The following OPCML variants were observed in gnomAD, a reference collection of about 807,000 sequenced individuals.
The protein encoded by OPCML is opioid binding protein/cell adhesion molecule like.
Under a neutral mutation model 37.8 loss-of-function variants are expected in OPCML, and 13 were observed. That is an observed-to-expected ratio of 0.34 (90% CI 0.22 to 0.55). The LOEUF is 0.55. Among genes scored for constraint, OPCML ranks in the 20% least tolerant of loss-of-function variants. OPCML has a pLI of 0.91. For synonymous variants in OPCML, 176 were observed against 168.8 expected (o/e 1.04, Z -0.33); for missense variants, 341 against 435.6 (o/e 0.78, Z 1.93).
intron 1 of OPCML, among the ~76,000 whole-genome samples, chr11:133,228,546 C>T (rs1419493585): frequency 3.3e-5 from 5 of 152,260 alleles, no homozygotes; most frequent in Non-Finnish European, 5.9e-5. Flanking sequence ...CCCGCTGGTG[C>T]TCAACAGCGC....
chr11:132,627,394 C>T (rs1181155956), intron 3 of OPCML, among the ~76,000 whole-genome samples: 1 of 152,110 alleles, frequency 6.6e-6, no homozygotes, highest in Non-Finnish European at 1.5e-5. Flanking sequence ...AGTATTAATG[C>T]TTTAGATATA....
At chr11:133,141,235 T>G (rs1949819839) in intron 1 of OPCML, among the ~76,000 whole-genome samples, 1 of 151,980 alleles carries the variant, frequency 6.6e-6, no homozygotes, top group African/African-American at 2.4e-5. Context: ...AGCCGGGCTC[T>G]CGCATGAGGC....
In OPCML at chr11:132,421,290, A is replaced by G. The variant is rs1364764513; in HGVS notation, c.917-997T>C. 7.2e-5 allele frequency among the ~76,000 whole-genome samples: 11 copies of G among 152,334 alleles called. No individual in the cohort carries two copies. In the South Asian group the frequency reaches 1.0e-3, roughly 14 times the overall value. ...TATTATTACCAAGGGATTAAAAGCCATTACGAGGCATTTCTATAAAACTAG... is the reference window on the plus strand; with the variant it reads ...TATTATTACCAAGGGATTAAAAGCCGTTACGAGGCATTTCTATAAAACTAG... On this transcript the variant is annotated intron_variant, in intron 7 of 7. Coordinates refer to ENST00000524381, the MANE Select transcript of OPCML (RefSeq NM_001012393.5).
At chr11:132,517,734 T>C (rs2137225460) in intron 4 of OPCML, among the ~76,000 whole-genome samples, 1 of 152,320 alleles carries the variant, frequency 6.6e-6, no homozygotes. Flanking sequence ...TAATTTTACT[T>C]TTGAGTTAGT....
chr11:133,406,859 T>G (rs1402323611), intron 1 of OPCML, among the ~76,000 whole-genome samples: 1 of 152,228 alleles, frequency 6.6e-6, no homozygotes, highest in Non-Finnish European at 1.5e-5. Flanking sequence ...AGTGATTTTT[T>G]GAAACCTTAA....
intron 1 of OPCML, among the ~76,000 whole-genome samples, chr11:133,221,159 C>A (rs934979308): frequency 6.6e-6 from 1 of 152,134 alleles, no homozygotes; most frequent in Non-Finnish European, 1.5e-5. Flanking sequence ...CTGGCCATAC[C>A]CCGTCAACCA....
chr11:132,758,390 T>A (rs1946136603), intron 2 of OPCML, among the ~76,000 whole-genome samples: 1 of 152,220 alleles, frequency 6.6e-6, no homozygotes, highest in African/African-American at 2.4e-5. Context: ...TAAATTACTT[T>A]GGGCAGTATG....
intron 1 of OPCML, among the ~76,000 whole-genome samples, chr11:133,277,222 C>T (rs1369038197): frequency 2.0e-5 from 3 of 152,174 alleles, no homozygotes; most frequent in Non-Finnish European, 2.9e-5. Context: ...CACGACTAGT[C>T]CCCTAACTCA....
intron 1 of OPCML, among the ~76,000 whole-genome samples, chr11:133,040,214 A>C (rs982130675): frequency 1.3e-5 from 2 of 152,104 alleles, no homozygotes; most frequent in African/African-American, 4.8e-5. Context: ...CCCTTAAATA[A>C]AAATATTTTC....
intron 1 of OPCML, among the ~76,000 whole-genome samples, chr11:133,327,386 C>T (rs776820692): frequency 5.9e-5 from 9 of 151,864 alleles, no homozygotes; most frequent in South Asian, 4.1e-4. Context: ...AGTGTATTTA[C>T]GCTCATTGCA....
chr11:133,461,584 A>G (rs1038377813), intron 1 of OPCML, among the ~76,000 whole-genome samples: 1 of 151,952 alleles, frequency 6.6e-6, no homozygotes, highest in Admixed American at 6.6e-5. Flanking sequence ...TAGTAAAACC[A>G]AGGAAGCAAA....
At chr11:132,838,038 A>T (rs187820521) in intron 2 of OPCML, among the ~76,000 whole-genome samples, 1 of 152,324 alleles carries the variant, frequency 6.6e-6, no homozygotes, top group African/African-American at 2.4e-5. Context: ...TACAGATTGC[A>T]TACGGCCCAC....
intron 2 of OPCML, among the ~76,000 whole-genome samples, chr11:132,842,432 C>T (rs1384784242): frequency 2.0e-5 from 3 of 152,200 alleles, no homozygotes; most frequent in Non-Finnish European, 4.4e-5. Context: ...TTCGCAGTAG[C>T]TTAAGGGCTA....
intron 1 of OPCML, among the ~76,000 whole-genome samples, chr11:133,158,278 G>A (rs147577945): frequency 2.6e-5 from 4 of 152,032 alleles, no homozygotes; most frequent in African/African-American, 7.3e-5. Context: ...TTGTGTTTCC[G>A]AACAAAATAT....
intron 2 of OPCML, among the ~76,000 whole-genome samples, chr11:132,744,172 C>G (rs544396743): frequency 3.3e-5 from 5 of 152,256 alleles, no homozygotes; most frequent in Admixed American, 1.3e-4. Flanking sequence ...ACAGAAAATA[C>G]GTGCCTATGT....
intron 1 of OPCML, among the ~76,000 whole-genome samples, chr11:133,368,120 T>A (rs1294326914): frequency 6.6e-6 from 1 of 151,798 alleles, no homozygotes; most frequent in Non-Finnish European, 1.5e-5. Flanking sequence ...AGGGAAGCAA[T>A]GTGAAAAATC....
chr11:133,175,656 A>AG (rs1351879459), intron 1 of OPCML, among the ~76,000 whole-genome samples: 1 of 129,018 alleles, frequency 7.8e-6, no homozygotes, highest in Admixed American at 7.7e-5. Context: ...TAATTCACTG[A>AG]CTTTTTTTTT....
chr11:133,267,003 T>A (rs990412227), intron 1 of OPCML, among the ~76,000 whole-genome samples: 10 of 152,164 alleles, frequency 6.6e-5, no homozygotes, highest in Non-Finnish European at 5.9e-5. Context: ...TCAAGATACA[T>A]CTCCTATGTT....
At chr11:133,176,519 G>A (rs1937602023) in intron 1 of OPCML, among the ~76,000 whole-genome samples, 1 of 152,038 alleles carries the variant, frequency 6.6e-6, no homozygotes, top group African/African-American at 2.4e-5. Context: ...GGAGGTGATT[G>A]AATCATGGGG....
Sources: allele counts gnomAD v4.1 joint callset (sites outside exome capture counted in the v4.1 genomes callset), GRCh38; gene constraint gnomAD v4.1.1; transcripts MANE v1.5; gene names NCBI Gene and HGNC (gene_info 2026-07-23, HGNC 2026-07-21).